The following RORA variants were observed in gnomAD, a reference collection of about 807,000 sequenced individuals.
The protein encoded by RORA is nuclear receptor ROR-alpha.
In RORA, 7 loss-of-function variants were observed where a neutral mutation model predicts 69.5. The ratio of observed to expected loss-of-function variants is 0.10; its 90% CI spans 0.06 to 0.19. The LOEUF (loss-of-function observed/expected upper bound fraction) is 0.19, where lower values mean the gene tolerates loss of function less well. Ranked by LOEUF, RORA falls within the 10% of genes least tolerant of loss-of-function variation. The pLI is 1.00. For synonymous variants in RORA, 261 were observed against 240.8 expected, an observed-to-expected ratio of 1.08 and a Z score of -0.78; for missense variants, 457 against 663.0, an observed-to-expected ratio of 0.69 and a Z score of 3.41.
At chr15:61,197,728 T>C (rs931083990) in intron 1 of RORA, among the ~76,000 whole-genome samples, 8 of 152,138 alleles carry the variant, frequency 5.3e-5, no homozygotes, top group African/African-American at 1.4e-4. Flanking sequence ...GACGAACTCA[T>C]TACGAAACAG....
At chr15:60,516,149 AT>A (rs1364192064) in intron 3 of RORA, among the ~76,000 whole-genome samples, 4,334 of 34,662 alleles carry the variant, frequency 0.13, 1,010 homozygotes, top group African/African-American at 0.23. Context: ...ATATATATTT[AT>A]ATATATATAT....
At chr15:60,841,740 C>T (rs769985099) in intron 1 of RORA, among the ~76,000 whole-genome samples, 3 of 152,218 alleles carry the variant, frequency 2.0e-5, no homozygotes, top group African/African-American at 7.2e-5. Context: ...CTCTCCTCCC[C>T]GTCATGATGT....
At position 61,128,241 on chromosome 15, in the gene RORA, T is replaced by C. The variant is rs988935881; in HGVS notation, c.166+100812A>G. On this transcript the variant is annotated intron_variant, in intron 1 of 10. Coordinates refer to ENST00000335670, the MANE Select transcript of RORA (RefSeq NM_134261.3). This position sits in a 1 kb window ranked among gnomAD's most constrained non-coding sequence, Gnocchi z 4.5. ...TGTGTGTGTCTGTGTGTGAGTGTGT[T>C]TCTGCAAGGGTATACTTTTAAAGCA... 6.6e-6 allele frequency among the ~76,000 whole-genome samples: 1 copy of C among 151,768 alleles called. No homozygotes were observed. The highest frequency in any genetic ancestry group is 1.5e-5 in the Non-Finnish European group (1 of 67,934).
At chr15:60,908,877 A>C (rs1434981651) in intron 1 of RORA, among the ~76,000 whole-genome samples, 1 of 145,660 alleles carries the variant, frequency 6.9e-6, no homozygotes. Context: ...ATTTCATTTC[A>C]TTTTTTTTTT....
chr15:60,826,759 CTCTCTCCCTCT>C (rs1567204724), intron 1 of RORA, among the ~76,000 whole-genome samples: 2 of 94,000 alleles, frequency 2.1e-5, no homozygotes, highest in East Asian at 4.3e-4. Flanking sequence ...CTCTCTCTCT[CTCTCTCCCTCT>C]CTCTCTCTCT....
chr15:60,614,805 G>T, intron 2 of RORA: 2 of 993,820 alleles, frequency 2.0e-6, no homozygotes, highest in African/African-American at 1.6e-5. Flanking sequence ...AGGTTTAAAT[G>T]AGATTATACA....
intron 1 of RORA, among the ~76,000 whole-genome samples, chr15:61,044,611 TTTTTC>T (rs1269399791): frequency 2.0e-5 from 3 of 152,250 alleles, no homozygotes; most frequent in African/African-American, 4.8e-5. Flanking sequence ...TAATTCCACC[TTTTTC>T]TTTTCAATTC....
At chr15:60,735,409 A>G (rs1383111397) in intron 1 of RORA, among the ~76,000 whole-genome samples, 1 of 152,226 alleles carries the variant, frequency 6.6e-6, no homozygotes, top group Non-Finnish European at 1.5e-5. Context: ...AATCTGTGGT[A>G]GACATCATTC....
At chr15:60,589,429 G>C (rs1291135308) in intron 2 of RORA, among the ~76,000 whole-genome samples, 1 of 152,186 alleles carries the variant, frequency 6.6e-6, no homozygotes, top group African/African-American at 2.4e-5. Flanking sequence ...TGAAGCAAAG[G>C]GGTATATCAT....
chr15:60,510,615 A>T lies in RORA; in HGVS notation c.820+611T>A, dbSNP rs534463444. 9 of 152,670 alleles carry T rather than the reference A, an allele frequency of 5.9e-5. No homozygotes were observed. The East Asian group carries it at 1.7e-3, about 29-fold the overall frequency. The allele number at this position is 152,670 out of a possible 1,614,324, so 9.5% of individuals were successfully genotyped here. The stretch of plus-strand genomic sequence containing the variant: ...AATGAGATGCCTACAGGGGCTGTGC[A>T]TATGATATAAATGGCGGGAGTCAGG... On this transcript the variant is annotated intron_variant, in intron 5 of 10. Transcript: ENST00000335670.
intron 1 of RORA, among the ~76,000 whole-genome samples, chr15:61,141,625 G>A (rs569043127): frequency 6.6e-6 from 1 of 152,290 alleles, no homozygotes; most frequent in East Asian, 1.9e-4. Context: ...GACTGCTGAG[G>A]CTCAAACAGT....
intron 1 of RORA, among the ~76,000 whole-genome samples, chr15:60,916,845 G>C (rs571038191): frequency 7.2e-5 from 11 of 152,314 alleles, no homozygotes; most frequent in Admixed American, 3.3e-4. Context: ...CACACACTCA[G>C]GGCCTAATCA....
chr15:60,860,979 C>G (rs976895727), intron 1 of RORA, among the ~76,000 whole-genome samples: 1 of 152,154 alleles, frequency 6.6e-6, no homozygotes, highest in African/African-American at 2.4e-5. Flanking sequence ...GATACATCAA[C>G]CAATAAATAA....
At chr15:61,067,106 C>G (rs1176990977) in intron 1 of RORA, among the ~76,000 whole-genome samples, 1 of 149,104 alleles carries the variant, frequency 6.7e-6, no homozygotes, top group Non-Finnish European at 1.5e-5. Context: ...TTAGTCTAAA[C>G]TTTTTTTCTT....
At chr15:61,228,767 G>A (rs1389683271) in intron 1 of RORA, among the ~76,000 whole-genome samples, 6 of 151,978 alleles carry the variant, frequency 3.9e-5, no homozygotes, top group Non-Finnish European at 8.8e-5. Flanking sequence ...TTCCTCCAGT[G>A]TTTGCAGAAA....
chr15:60,913,846 C>G (rs1891798233), intron 1 of RORA, among the ~76,000 whole-genome samples: 1 of 152,172 alleles, frequency 6.6e-6, no homozygotes, highest in African/African-American at 2.4e-5. Context: ...GCTGCTTTGT[C>G]TTTTGAAAAT....
At chr15:60,827,879 T>C (rs1428269449) in intron 1 of RORA, among the ~76,000 whole-genome samples, 1 of 152,216 alleles carries the variant, frequency 6.6e-6, no homozygotes, top group African/African-American at 2.4e-5. Context: ...TGACAACTAC[T>C]GTTTGAGATG....
intron 1 of RORA, among the ~76,000 whole-genome samples, chr15:61,036,275 T>C (rs903787297): frequency 2.6e-5 from 4 of 152,070 alleles, no homozygotes; most frequent in African/African-American, 9.7e-5. Context: ...TAGGAGAGCA[T>C]CGGCAAAGAT....
intron 2 of RORA, among the ~76,000 whole-genome samples, chr15:60,573,394 T>A (rs1283235371): frequency 6.6e-6 from 1 of 152,186 alleles, no homozygotes; most frequent in African/African-American, 2.4e-5. Flanking sequence ...GAAACCCAAA[T>A]CATAACACAG....
Sources: allele counts gnomAD v4.1 joint callset (sites outside exome capture counted in the v4.1 genomes callset), GRCh38; gene constraint gnomAD v4.1.1; non-coding constraint Gnocchi (gnomAD v3.1); transcripts MANE v1.5; gene names NCBI Gene and HGNC (gene_info 2026-07-23, HGNC 2026-07-21).